Variants in COL24A1 observed in about 807,000 individuals in gnomAD.
The protein encoded by COL24A1 is collagen type XXIV alpha 1 chain, also known as collagen alpha-1(XXIV) chain.
COL24A1 carries 224 observed loss-of-function variants against 253.9 expected under a neutral mutation model. The observed-to-expected ratio is 0.88, with a 90% CI of 0.79 to 0.99. COL24A1 has a LOEUF of 0.99. Ranked by LOEUF, COL24A1 falls within the 50% of genes least tolerant of loss-of-function variation. The pLI, the probability that COL24A1 is intolerant of heterozygous loss-of-function variation, is 0.00. For missense variants in COL24A1, 2,131 were observed against 2,068.5 expected (o/e 1.03, Z -0.59); for synonymous variants, 685 against 673.7 (o/e 1.02, Z -0.26).
intron 19 of COL24A1, among the ~76,000 whole-genome samples, chr1:86,006,460 C>T (rs1695969856): frequency 6.6e-6 from 1 of 151,936 alleles, no homozygotes; most frequent in Non-Finnish European, 1.5e-5. Flanking sequence ...CATCTACATG[C>T]AAAAAAGAAA....
Position 85,979,038 on chromosome 1 carries a change from C to G in COL24A1, c.2365-7645G>C, listed in dbSNP as rs150632805. 3.4e-3 allele frequency among the ~76,000 whole-genome samples: 517 copies of G among 152,172 alleles called. 8 individuals carry two copies. In the East Asian group the frequency reaches 0.041, roughly 12 times the overall value. On this transcript the variant is annotated intron_variant, in intron 20 of 59. Coordinates refer to ENST00000370571, the MANE Select transcript of COL24A1 (RefSeq NM_152890.7). The stretch of plus-strand genomic sequence containing the variant: ...ACTGGAAATTAACTCCAAAAGGAAC[C>G]CTCAAAACCATACAAACACATGAAA...
At chr1:85,822,779 TTCACCCTTGATATCTGA>T (rs778937620) in intron 45 of COL24A1, among the ~76,000 whole-genome samples, 5 of 152,176 alleles carry the variant, frequency 3.3e-5, no homozygotes, top group African/African-American at 9.7e-5. Context: ...AGCAAGAACC[TTCACCCTTGATATCTGA>T]TCACCCTTGA....
intron 11 of COL24A1, among the ~76,000 whole-genome samples, chr1:86,048,436 G>A (rs186305882): frequency 6.5e-4 from 99 of 152,010 alleles, no homozygotes; most frequent in Non-Finnish European, 8.8e-4. Context: ...CACAGTACCC[G>A]TGAGGGGCCC....
At chr1:85,775,895 C>A (rs1043413536) in intron 52 of COL24A1, among the ~76,000 whole-genome samples, 186 bp from the exon 53 acceptor site, 2 of 152,070 alleles carry the variant, frequency 1.3e-5, no homozygotes, top group Non-Finnish European at 2.9e-5. Context: ...AAACAAAAAA[C>A]CCTTAGTGAT....
intron 7 of COL24A1, among the ~76,000 whole-genome samples, chr1:86,084,025 T>C (rs1021950736): frequency 6.6e-6 from 1 of 152,218 alleles, no homozygotes; most frequent in Non-Finnish European, 1.5e-5. Flanking sequence ...TACAACTCTC[T>C]CGTAAAGTTT....
chr1:85,897,254 G>A (rs1173150836), intron 28 of COL24A1, among the ~76,000 whole-genome samples: 1 of 152,086 alleles, frequency 6.6e-6, no homozygotes, highest in East Asian at 1.9e-4. Flanking sequence ...CCTGTCAGGG[G>A]GCCTCGGGGG....
intron 2 of COL24A1, among the ~76,000 whole-genome samples, chr1:86,143,822 T>C (rs1651491476): frequency 1.3e-5 from 2 of 152,106 alleles, no homozygotes; most frequent in African/African-American, 4.8e-5. Flanking sequence ...TTTTAAGTTT[T>C]GAAAAATCTC....
chr1:85,963,734 A>G (rs1007760341), intron 23 of COL24A1, among the ~76,000 whole-genome samples: 2 of 152,184 alleles, frequency 1.3e-5, no homozygotes, highest in Admixed American at 1.3e-4. Flanking sequence ...TTACTAGGTA[A>G]CACAGAAGCC....
chr1:85,943,775 T>C (rs577471202), intron 24 of COL24A1, among the ~76,000 whole-genome samples: 1 of 152,202 alleles, frequency 6.6e-6, no homozygotes, highest in Non-Finnish European at 1.5e-5. Flanking sequence ...GTCCAAGAAA[T>C]CTGTCCTTCC....
At chr1:85,980,974 C>T (rs979321921) in intron 20 of COL24A1, among the ~76,000 whole-genome samples, 4 of 151,992 alleles carry the variant, frequency 2.6e-5, no homozygotes, top group Non-Finnish European at 2.9e-5. Context: ...AGAAAAACTA[C>T]AAAACACTGC....
At chr1:85,758,285 CACT>C (rs1027481758) in intron 55 of COL24A1, among the ~76,000 whole-genome samples, 1 of 29,130 alleles carries the variant, frequency 3.4e-5, no homozygotes, top group Non-Finnish European at 2.3e-4. Context: ...TAGCAGCAGC[CACT>C]TCTTAATTCA....
intron 46 of COL24A1, among the ~76,000 whole-genome samples, chr1:85,817,358 T>G (rs985104550): frequency 6.6e-6 from 1 of 152,198 alleles, no homozygotes; most frequent in Non-Finnish European, 1.5e-5. Flanking sequence ...AAGTAAGGTC[T>G]GAACATTTTG....
chr1:86,096,182 T>C (rs995221871), intron 5 of COL24A1, among the ~76,000 whole-genome samples: 3 of 152,184 alleles, frequency 2.0e-5, no homozygotes, highest in Admixed American at 2.0e-4. Flanking sequence ...AAAACAATTA[T>C]TATTAAAATC....
At chr1:85,843,816 C>T (rs1162025049) in intron 39 of COL24A1, among the ~76,000 whole-genome samples, 1 of 151,988 alleles carries the variant, frequency 6.6e-6, no homozygotes, top group Non-Finnish European at 1.5e-5. Flanking sequence ...GCAGGCAATG[C>T]TAAAGGCTGC....
intron 58 of COL24A1, chr1:85,736,440 A>G (rs1664065664): frequency 2.2e-6 from 1 of 456,114 alleles, no homozygotes; most frequent in Admixed American, 2.3e-5. Flanking sequence ...TGGAATGAGG[A>G]TGATGATGTG....
At chr1:86,057,326 T>C (rs1183423553) in intron 10 of COL24A1, among the ~76,000 whole-genome samples, 16 of 152,252 alleles carry the variant, frequency 1.1e-4, no homozygotes, top group Admixed American at 8.5e-4. Flanking sequence ...CTGCATGGAC[T>C]GCACAACTAT....
At chr1:86,056,117 CAAA>C (rs10714167) in intron 10 of COL24A1, among the ~76,000 whole-genome samples, 24 of 138,170 alleles carry the variant, frequency 1.7e-4, no homozygotes, top group Admixed American at 2.1e-4. Flanking sequence ...GACTCTGTTT[CAAA>C]AAAAAAAAAA....
intron 24 of COL24A1, among the ~76,000 whole-genome samples, chr1:85,922,556 A>C (rs1283967452): frequency 6.6e-6 from 1 of 152,240 alleles, no homozygotes; most frequent in Admixed American, 6.5e-5. Flanking sequence ...AGAATTTCAT[A>C]TCCAGCCAAA....
At chr1:85,986,299 C>G (rs1279778590) in intron 20 of COL24A1, among the ~76,000 whole-genome samples, 1 of 151,766 alleles carries the variant, frequency 6.6e-6, no homozygotes, top group Non-Finnish European at 1.5e-5. Context: ...AATGAATGTC[C>G]TGTTTCCAAT....
Sources: allele counts gnomAD v4.1 joint callset (sites outside exome capture counted in the v4.1 genomes callset), GRCh38; gene constraint gnomAD v4.1.1; transcripts MANE v1.5; gene names NCBI Gene and HGNC (gene_info 2026-07-23, HGNC 2026-07-21).